Variants in PDE3A observed in about 807,000 individuals in gnomAD.
PDE3A encodes cGMP-inhibited 3',5'-cyclic phosphodiesterase 3A.
A neutral mutation model predicts 98.3 loss-of-function variants in PDE3A; 43 were observed. The observed-to-expected ratio is 0.44, with a 90% CI of 0.34 to 0.56. The LOEUF (loss-of-function observed/expected upper bound fraction) is 0.56, where lower values mean the gene tolerates loss of function less well. Ranked by LOEUF, PDE3A falls within the 20% of genes least tolerant of loss-of-function variation. The pLI is 0.01. For missense variants in PDE3A, 1,427 were observed against 1,440.7 expected (o/e 0.99, Z 0.15); for synonymous variants, 663 against 567.9 (o/e 1.17, Z -2.38).
Position 20,613,464 on chromosome 12 carries a change from G to A in PDE3A, c.1033G>A (p.Val345Met), listed in dbSNP as rs1363346069. Residue 345 changes from valine (V) to methionine (M), a missense_variant, in exon 3 of 16, where the codon GTG becomes ATG. Val to Met is a conservative substitution (Grantham distance 21). Transcript: ENST00000359062. ...GSQSSGTSIT[V>M]DIAVMGEAHG... ...TCAGTCTTCAGGAACCAGTATTACT[G>A]TGGACATCGCCGTCATGGGCGAGGC... 6.2e-7 allele frequency: 1 copy of A among 1,614,096 alleles called. No individual in the cohort carries two copies. The highest frequency in any genetic ancestry group is 8.5e-7 in the Non-Finnish European group (1 of 1,179,966).
chr12:20,399,241 T>G (rs1944077560), intron 1 of PDE3A, among the ~76,000 whole-genome samples: 1 of 152,226 alleles, frequency 6.6e-6, no homozygotes, highest in Non-Finnish European at 1.5e-5. Context: ...CTTGGGTTGC[T>G]TTCACTTTTT....
chr12:20,643,531 A>T (rs564689654), intron 10 of PDE3A, among the ~76,000 whole-genome samples: 4 of 152,318 alleles, frequency 2.6e-5, no homozygotes, highest in Admixed American at 2.0e-4. Flanking sequence ...TCTATTCTTC[A>T]ATCTAAGTGA....
intron 1 of PDE3A, among the ~76,000 whole-genome samples, chr12:20,510,989 G>C (rs1294970971): frequency 6.6e-6 from 1 of 152,016 alleles, no homozygotes; most frequent in Non-Finnish European, 1.5e-5. Context: ...AACAACTTCA[G>C]TCACGAGTCA....
chr12:20,518,647 T>C (rs1946365008), intron 1 of PDE3A, among the ~76,000 whole-genome samples: 1 of 152,198 alleles, frequency 6.6e-6, no homozygotes, highest in Non-Finnish European at 1.5e-5. Flanking sequence ...AGATCCGAAG[T>C]GTTTGTTCTT....
Position 20,386,102 on chromosome 12 carries a change from T to G in PDE3A, c.960+15858T>G, listed in dbSNP as rs1476233079. Among the ~76,000 whole-genome samples the G allele has an allele frequency of 6.8e-4, 10 of 14,618 alleles. 2 individuals carry two copies. The highest frequency in any genetic ancestry group is 1.6e-3 in the African/African-American group (9 of 5,550). 9.6% of individuals were successfully genotyped at this position (14,618 alleles called of 152,430 possible). ...ATATAAATATATAAATATATATAAA[T>G]ATATATATAAATATATATAAATATA... On this transcript the variant is annotated intron_variant, in intron 1 of 15. Transcript: ENST00000359062.
intron 1 of PDE3A, among the ~76,000 whole-genome samples, chr12:20,481,927 G>A (rs968367959): frequency 2.7e-5 from 4 of 149,446 alleles, no homozygotes; most frequent in Non-Finnish European, 5.9e-5. Flanking sequence ...ACCACGCCCA[G>A]CTAATTTTTT....
At chr12:20,646,323 T>G (rs990110825) in intron 10 of PDE3A, among the ~76,000 whole-genome samples, 167 bp from the exon 11 acceptor site, 2 of 152,202 alleles carry the variant, frequency 1.3e-5, no homozygotes, top group African/African-American at 2.4e-5. Context: ...ATGGATGTTA[T>G]GGAGTTATGG....
intron 2 of PDE3A, among the ~76,000 whole-genome samples, chr12:20,609,786 G>C (rs1157781665): frequency 6.6e-6 from 1 of 151,990 alleles, no homozygotes; most frequent in Non-Finnish European, 1.5e-5. Flanking sequence ...GTGCTAGGAG[G>C]ACACAGGTGG....
chr12:20,617,909 G>GAACTT (rs1319111960), intron 4 of PDE3A, among the ~76,000 whole-genome samples: 1 of 152,112 alleles, frequency 6.6e-6, no homozygotes, highest in East Asian at 1.9e-4. Context: ...GGACTTTTAA[G>GAACTT]AACTTAACGC....
intron 1 of PDE3A, among the ~76,000 whole-genome samples, chr12:20,543,396 T>C (rs1430444888): frequency 6.6e-6 from 1 of 152,016 alleles, no homozygotes; most frequent in Non-Finnish European, 1.5e-5. Context: ...CCTTAGCTGA[T>C]CTTTTCAAAC....
intron 1 of PDE3A, among the ~76,000 whole-genome samples, chr12:20,482,662 T>C (rs950912194): frequency 6.6e-6 from 1 of 152,230 alleles, no homozygotes; most frequent in Non-Finnish European, 1.5e-5. Flanking sequence ...GAGAAGCTGG[T>C]GTTTATGTGA....
In PDE3A at chr12:20,680,132, T is replaced by A. The variant is rs765423851; in HGVS notation, c.3287T>A (p.Leu1096Ter). 1.9e-6 allele frequency: 3 copies of A among 1,613,812 alleles called. No homozygotes were observed. The South Asian group carries it at 3.3e-5, about 18-fold the overall frequency. ...AAAGTCATTGAAGAGGAGCAACGGT[T>A]GGCAGGCATAGAAAATCAATCCCTG... Reference protein sequence around the residue: ...WKKVIEEEQRLAGIENQSLDQ... With the variant: ...WKKVIEEEQR Residue 1096 changes from leucine to a stop codon, truncating the protein, a stop_gained, in exon 16 of 16, where the codon TTG (leucine) becomes TAG (stop). Coordinates refer to ENST00000359062, the MANE Select transcript of PDE3A (RefSeq NM_000921.5). LOFTEE classifies it low-confidence loss of function (END_TRUNC).
chr12:20,369,976 G>A lies in PDE3A; in HGVS notation c.692G>A (p.Arg231Lys). ...ACCGTGTCCCTCATTTCCTTAGAGA[G>A]GTTCAAGGTCGCCTGGAGACCTTAC... The part of the protein sequence containing the change: ...VRTVSLISLE[R>K]FKVAWRPYLA... Residue 231 changes from arginine to lysine, a missense_variant, in exon 1 of 16, where the codon AGG (arginine) becomes AAG (lysine). This residue lies in a region of PDE3A where 1,012 missense variants were observed against 886.5 expected (regional missense o/e 1.14). Transcript: ENST00000359062. The A allele has an allele frequency of 6.2e-7, 1 of 1,613,376 alleles. No individual in the cohort carries two copies. The highest frequency in any genetic ancestry group is 2.2e-5 in the East Asian group (1 of 44,834).
At chr12:20,532,559 C>T (rs1179415385) in intron 1 of PDE3A, among the ~76,000 whole-genome samples, 1 of 151,994 alleles carries the variant, frequency 6.6e-6, no homozygotes, top group Admixed American at 6.6e-5. Context: ...TTGGCAACAC[C>T]GATGTGGTTA....
chr12:20,458,052 A>G (rs1945182289), intron 1 of PDE3A, among the ~76,000 whole-genome samples: 1 of 152,030 alleles, frequency 6.6e-6, no homozygotes, highest in African/African-American at 2.4e-5. Flanking sequence ...TCTTCATTTC[A>G]GAAATTTGAA....
intron 10 of PDE3A, among the ~76,000 whole-genome samples, chr12:20,641,796 A>T (rs1281942334): frequency 6.6e-6 from 1 of 152,024 alleles, no homozygotes; most frequent in Non-Finnish European, 1.5e-5. Context: ...TTACCCCTGA[A>T]ATAGTGGGTT....
intron 1 of PDE3A, among the ~76,000 whole-genome samples, chr12:20,479,483 C>G (rs1345596806): frequency 6.6e-6 from 1 of 152,134 alleles, no homozygotes; most frequent in Non-Finnish European, 1.5e-5. Context: ...ATCTCTTGAG[C>G]TTATCATGTG....
At chr12:20,570,213 C>A (rs1291248335) in intron 2 of PDE3A, among the ~76,000 whole-genome samples, 1 of 151,862 alleles carries the variant, frequency 6.6e-6, no homozygotes, top group Non-Finnish European at 1.5e-5. Context: ...TTGAGACCAG[C>A]TTGGCCAATA....
chr12:20,629,621 AAAT>A (rs1944338049), intron 5 of PDE3A, among the ~76,000 whole-genome samples: 1 of 152,198 alleles, frequency 6.6e-6, no homozygotes, highest in African/African-American at 2.4e-5. Flanking sequence ...TGGGAGGAGA[AAAT>A]AATATCCTTC....
Sources: gnomAD v4.1 joint callset for allele counts (sites outside exome capture counted in the v4.1 genomes callset) on GRCh38, gnomAD v4.1.1 for gene constraint, gnomAD v4.1.1 regional missense constraint, MANE v1.5 for transcripts, NCBI Gene and HGNC (gene_info 2026-07-23, HGNC 2026-07-21) for gene names.